Variants in PIK3CB observed in about 807,000 individuals in gnomAD.
PIK3CB encodes phosphatidylinositol-4,5-bisphosphate 3-kinase catalytic subunit beta.
A neutral mutation model predicts 136.8 loss-of-function variants in PIK3CB; 39 were observed. The ratio of observed to expected loss-of-function variants is 0.29; its 90% CI spans 0.22 to 0.37. The LOEUF is 0.37. Ranked by LOEUF, PIK3CB falls within the 10% of genes least tolerant of loss-of-function variation. PIK3CB has a pLI of 1.00. For missense variants in PIK3CB, 868 were observed against 1,275.4 expected (o/e 0.68, Z 4.87); for synonymous variants, 428 against 436.6 (o/e 0.98, Z 0.25).
rs71146142 is a variant in PIK3CB, at chr3:138,788,656, CA to C, written c.-17+7806del. ...TGGGTGACAGAGCAAGACTTTGTCT[CA>C]AAAAAAAAAAAAAAAAAAAAAAAGG... On this transcript the variant is annotated intron_variant, in intron 2 of 23. Coordinates refer to ENST00000674063, the MANE Select transcript of PIK3CB (RefSeq NM_006219.3). Among the ~76,000 whole-genome samples the C allele has an allele frequency of 8.8e-3, 330 of 37,712 alleles. 1 individual carries two copies. Among genetic ancestry groups the C allele is most frequent in the African/African-American group, 0.033 (278 of 8,484 alleles). 24.7% of individuals were successfully genotyped at this position (37,712 alleles called of 152,430 possible).
At chr3:138,656,881 C>T (rs571961050) in intron 22 of PIK3CB, among the ~76,000 whole-genome samples, 1 of 152,264 alleles carries the variant, frequency 6.6e-6, no homozygotes, top group South Asian at 2.1e-4. Flanking sequence ...AGCAATTCTG[C>T]CTCAGCCTCC....
At chr3:138,797,537 A>G (rs1043096367) in intron 1 of PIK3CB, among the ~76,000 whole-genome samples, 3 of 152,250 alleles carry the variant, frequency 2.0e-5, no homozygotes, top group African/African-American at 7.2e-5. Context: ...GTGTCTTTTG[A>G]TGAAGATGAA....
At chr3:138,693,282 G>A (rs965928965) in intron 14 of PIK3CB, among the ~76,000 whole-genome samples, 9 of 152,046 alleles carry the variant, frequency 5.9e-5, no homozygotes, top group African/African-American at 2.2e-4. Context: ...TTTTGGTAGA[G>A]ACGGGGCTTA....
rs111809580 is a variant in PIK3CB, at chr3:138,657,082, G to A, written c.2942+608C>T. 7.0e-3 allele frequency among the ~76,000 whole-genome samples: 1,061 copies of A among 152,024 alleles called. 12 individuals are homozygous for A. Among genetic ancestry groups the A allele is most frequent in the African/African-American group, 0.024 (1,013 of 41,490 alleles). On this transcript the variant is annotated intron_variant, in intron 22 of 23. Transcript: ENST00000674063. ...GCGCCAGGCTGAGGACCATCCAATCGTATCCCCTTATTTTGCCAAAGAGAA... is the reference window on the plus strand; with the variant it reads ...GCGCCAGGCTGAGGACCATCCAATCATATCCCCTTATTTTGCCAAAGAGAA...
chr3:138,803,912 G>C (rs891702411), intron 1 of PIK3CB, among the ~76,000 whole-genome samples: 1 of 152,108 alleles, frequency 6.6e-6, no homozygotes, highest in Non-Finnish European at 1.5e-5. Context: ...ATTTTGACCA[G>C]AATCAATTCA....
chr3:138,729,448 G>A (rs1229299637), intron 8 of PIK3CB, among the ~76,000 whole-genome samples: 1 of 152,206 alleles, frequency 6.6e-6, no homozygotes, highest in African/African-American at 2.4e-5. Context: ...ATTGTGATCA[G>A]TAGACTGGGT....
At chr3:138,788,919 G>A (rs146612676) in intron 2 of PIK3CB, among the ~76,000 whole-genome samples, 3,828 of 137,742 alleles carry the variant, frequency 0.028, 177 homozygotes, top group African/African-American at 0.1. Context: ...AGCCCAGATC[G>A]TGCCATTGCA....
rs988954184 is a variant in PIK3CB, at chr3:138,826,144, T to C, written c.-122+8551A>G. 6.9e-6 allele frequency: 7 copies of C among 1,012,902 alleles called. No homozygotes were observed. In the Admixed American group the frequency reaches 9.8e-5, roughly 14 times the overall value. 62.7% of individuals were successfully genotyped at this position (1,012,902 alleles called of 1,614,324 possible). On this transcript the variant is annotated intron_variant, in intron 1 of 23. Coordinates refer to ENST00000674063, the MANE Select transcript of PIK3CB (RefSeq NM_006219.3). ...TTCTTGAAGTCTGGTGGTGCTGCCA[T>C]AGTTGATATGGTTCCTGACAAGCCG...
intron 16 of PIK3CB, among the ~76,000 whole-genome samples, chr3:138,688,234 G>C (rs1390929678): frequency 6.6e-6 from 1 of 151,992 alleles, no homozygotes; most frequent in Non-Finnish European, 1.5e-5. Flanking sequence ...AGGTACGGTG[G>C]CTCACACATG....
chr3:138,655,569 A>G, intron 23 of PIK3CB, 43 bp from the exon 24 acceptor site: 1 of 1,502,904 alleles, frequency 6.7e-7, no homozygotes, highest in Non-Finnish European at 9.3e-7. Flanking sequence ...TAACTTTAGT[A>G]GAGATGTGCA....
chr3:138,832,603 G>A (rs946315244), intron 1 of PIK3CB, among the ~76,000 whole-genome samples: 6 of 151,864 alleles, frequency 4.0e-5, no homozygotes, highest in Non-Finnish European at 1.5e-5. Flanking sequence ...CGAGGCGGGC[G>A]GATACCTGAG....
chr3:138,731,992 A>C (rs2044986234), intron 8 of PIK3CB, among the ~76,000 whole-genome samples: 3 of 152,152 alleles, frequency 2.0e-5, no homozygotes. Context: ...CAAAAAAAAA[A>C]AAGAAAAATC....
Position 138,735,890 on chromosome 3 carries a change from T to C in PIK3CB, c.802-1086A>G, listed in dbSNP as rs183308989. 1.4e-3 allele frequency among the ~76,000 whole-genome samples: 218 copies of C among 152,298 alleles called. 2 individuals are homozygous for C. The highest frequency in any genetic ancestry group is 5.1e-3 in the African/African-American group (211 of 41,568). On this transcript the variant is annotated intron_variant, in intron 6 of 23. Coordinates refer to ENST00000674063, the MANE Select transcript of PIK3CB (RefSeq NM_006219.3). Reference sequence around the variant, plus strand: ...GTTATATATGATATTATGATAAATATATTCATCCAAAAACTTTTCACTATG... The same window carrying C: ...GTTATATATGATATTATGATAAATACATTCATCCAAAAACTTTTCACTATG...
At chr3:138,803,041 G>C (rs979498633) in intron 1 of PIK3CB, among the ~76,000 whole-genome samples, 4 of 152,192 alleles carry the variant, frequency 2.6e-5, no homozygotes, top group African/African-American at 9.6e-5. Flanking sequence ...AAAAGATATA[G>C]TCAAACCTGG....
At chr3:138,699,445 G>A (rs972702775) in intron 12 of PIK3CB, among the ~76,000 whole-genome samples, 3 of 151,928 alleles carry the variant, frequency 2.0e-5, no homozygotes, top group African/African-American at 7.3e-5. Context: ...GAGGTCAGGA[G>A]TTTGAGACTA....
chr3:138,766,982 G>A lies in PIK3CB; in HGVS notation c.-16-7623C>T, dbSNP rs1412312591. ...CTCCAGAAGAATGATTTTCAATTTTGTCATATTCAGTATTCCCCTTTTTTT... is the reference window on the plus strand; with the variant it reads ...CTCCAGAAGAATGATTTTCAATTTTATCATATTCAGTATTCCCCTTTTTTT... On this transcript the variant is annotated intron_variant, in intron 2 of 23. Coordinates refer to ENST00000674063, the MANE Select transcript of PIK3CB (RefSeq NM_006219.3). 4.2e-5 allele frequency among the ~76,000 whole-genome samples: 6 copies of A among 143,492 alleles called. No homozygotes were observed. In the Admixed American group the frequency reaches 4.4e-4, roughly 10 times the overall value. 94.1% of individuals were successfully genotyped at this position (143,492 alleles called of 152,430 possible).
chr3:138,815,397 G>A (rs1359064354), intron 1 of PIK3CB, among the ~76,000 whole-genome samples: 16 of 78,902 alleles, frequency 2.0e-4, no homozygotes, highest in East Asian at 5.4e-4. Flanking sequence ...CATAACAAAA[G>A]ATTACAAATT....
At chr3:138,793,313 A>C (rs2046073721) in intron 2 of PIK3CB, among the ~76,000 whole-genome samples, 2 of 152,214 alleles carry the variant, frequency 1.3e-5, no homozygotes, top group South Asian at 4.1e-4. Context: ...AAGCTATGTA[A>C]GTTTAAACCT....
chr3:138,676,298 T>TA (rs755826255), intron 19 of PIK3CB, among the ~76,000 whole-genome samples: 87 of 152,168 alleles, frequency 5.7e-4, no homozygotes, highest in Non-Finnish European at 9.4e-4. Context: ...GTGGCTATAA[T>TA]AAAAAAAGAT....
Sources: gnomAD v4.1 joint callset for allele counts (sites outside exome capture counted in the v4.1 genomes callset) on GRCh38, gnomAD v4.1.1 for gene constraint, MANE v1.5 for transcripts, NCBI Gene and HGNC (gene_info 2026-07-23, HGNC 2026-07-21) for gene names.